The following DOK6 variants were observed in gnomAD, a reference collection of about 807,000 sequenced individuals.
The protein encoded by DOK6 is downstream of tyrosine kinase 6.
In DOK6, 22 loss-of-function variants were observed where a neutral mutation model predicts 44.0. The ratio of observed to expected loss-of-function variants is 0.50; its 90% confidence interval spans 0.36 to 0.71. DOK6 has a LOEUF of 0.71. DOK6 is among the 30% of genes least tolerant of loss of function. DOK6 has a pLI of 0.00. For missense variants in DOK6, 340 were observed against 416.4 expected (o/e 0.82, Z 1.60); for synonymous variants, 166 against 145.5 (o/e 1.14, Z -1.01).
At chr18:69,675,397 A>G (rs533986871) in intron 3 of DOK6, among the ~76,000 whole-genome samples, 1 of 152,362 alleles carries the variant, frequency 6.6e-6, no homozygotes, top group East Asian at 1.9e-4. Context: ...ACTCCCAAAT[A>G]GCACATTAGA....
intron 1 of DOK6, among the ~76,000 whole-genome samples, chr18:69,406,697 G>A (rs557662601): frequency 6.6e-6 from 1 of 152,164 alleles, no homozygotes; most frequent in Admixed American, 6.5e-5. Context: ...ATCTTTCTAC[G>A]ATCTACATTC....
At chr18:69,533,279 T>C (rs1243046511) in intron 1 of DOK6, among the ~76,000 whole-genome samples, 1 of 152,176 alleles carries the variant, frequency 6.6e-6, no homozygotes, top group Non-Finnish European at 1.5e-5. Flanking sequence ...CCAGTATTAA[T>C]TCAAAATTAG....
chr18:69,541,894 C>T (rs1982278277), intron 1 of DOK6, among the ~76,000 whole-genome samples: 2 of 151,316 alleles, frequency 1.3e-5, no homozygotes, highest in Non-Finnish European at 1.5e-5. Context: ...ACCTGGAAAG[C>T]ACAAAGAAAG....
chr18:69,739,983 TA>T (rs1263541596), intron 6 of DOK6, among the ~76,000 whole-genome samples: 1 of 152,194 alleles, frequency 6.6e-6, no homozygotes, highest in Non-Finnish European at 1.5e-5. Context: ...TAAATATTTT[TA>T]AAAGAAAGAG....
intron 5 of DOK6, among the ~76,000 whole-genome samples, chr18:69,727,230 G>C (rs921393659): frequency 1.3e-5 from 2 of 151,986 alleles, no homozygotes; most frequent in African/African-American, 4.8e-5. Context: ...ACCTCCCAAA[G>C]GCCACACCTC....
chr18:69,593,090 T>G (rs1308611257), intron 2 of DOK6, among the ~76,000 whole-genome samples: 1 of 152,164 alleles, frequency 6.6e-6, no homozygotes, highest in Non-Finnish European at 1.5e-5. Context: ...CACAGTGGCA[T>G]GATGGATTTC....
chr18:69,690,886 G>C (rs901001345), intron 4 of DOK6, among the ~76,000 whole-genome samples: 4 of 152,070 alleles, frequency 2.6e-5, no homozygotes, highest in African/African-American at 9.7e-5. Context: ...AAGTGTTAAA[G>C]AATATAGAAT....
chr18:69,719,289 A>G (rs1207461238), intron 5 of DOK6, among the ~76,000 whole-genome samples: 1 of 152,202 alleles, frequency 6.6e-6, no homozygotes. Flanking sequence ...AACTGTCTTC[A>G]TGCACTGAGT....
At chr18:69,421,138 C>T (rs908745107) in intron 1 of DOK6, among the ~76,000 whole-genome samples, 1 of 152,130 alleles carries the variant, frequency 6.6e-6, no homozygotes, top group Non-Finnish European at 1.5e-5. Flanking sequence ...AAAACCTTTA[C>T]AAAAACATTC....
chr18:69,762,480 A>G (rs1979591918), intron 7 of DOK6, among the ~76,000 whole-genome samples: 1 of 152,236 alleles, frequency 6.6e-6, no homozygotes, highest in Non-Finnish European at 1.5e-5. Flanking sequence ...AATCAAAGTA[A>G]AAGTCTGGCA....
At chr18:69,760,574 G>A (rs946289378) in intron 7 of DOK6, among the ~76,000 whole-genome samples, 1 of 152,124 alleles carries the variant, frequency 6.6e-6, no homozygotes, top group East Asian at 1.9e-4. Flanking sequence ...AACCAAGTGC[G>A]CAGCTTGACC....
intron 7 of DOK6, among the ~76,000 whole-genome samples, chr18:69,819,684 T>G (rs959279657): frequency 1.3e-5 from 2 of 152,306 alleles, no homozygotes; most frequent in Non-Finnish European, 2.9e-5. Flanking sequence ...CTCCTGCCCG[T>G]AGACCTTGAA....
At chr18:69,610,350 T>A (rs1367016779) in intron 3 of DOK6, among the ~76,000 whole-genome samples, 1 of 152,186 alleles carries the variant, frequency 6.6e-6, no homozygotes, top group Non-Finnish European at 1.5e-5. Context: ...ATGAACCTCC[T>A]TGGGAATATA....
At chr18:69,678,341 C>G (rs1163312996) in intron 4 of DOK6, among the ~76,000 whole-genome samples, 3 of 152,212 alleles carry the variant, frequency 2.0e-5, no homozygotes, top group African/African-American at 7.2e-5. Flanking sequence ...TAAGGTACAA[C>G]CCGGGTCTCC....
In DOK6 at chr18:69,466,926, T is replaced by C. The variant is rs114573105; in HGVS notation, c.66+65616T>C. 6.5e-3 allele frequency among the ~76,000 whole-genome samples: 990 copies of C among 152,228 alleles called. 11 individuals are homozygous for C. Among genetic ancestry groups the C allele is most frequent in the African/African-American group, 0.022 (899 of 41,542 alleles). On this transcript the variant is annotated intron_variant, in intron 1 of 7. Transcript: ENST00000382713. ...ACTTTTATATTGATACTGGGAGAAA[T>C]AGTAACTTTCTTTCATTTTTTGTTT...
intron 1 of DOK6, among the ~76,000 whole-genome samples, chr18:69,482,074 G>GT (rs1027017266): frequency 1.3e-5 from 2 of 152,176 alleles, no homozygotes; most frequent in African/African-American, 4.8e-5. Context: ...GGGGTTGTTT[G>GT]TTTTTTTCTT....
intron 3 of DOK6, among the ~76,000 whole-genome samples, chr18:69,671,577 C>G (rs1197867734): frequency 6.6e-6 from 1 of 152,064 alleles, no homozygotes; most frequent in Non-Finnish European, 1.5e-5. Context: ...AAATAAGAAA[C>G]CTTTTTTGAA....
chr18:69,401,196 C>A lies in DOK6; in HGVS notation c.-49C>A, dbSNP rs764989966. The A allele has an allele frequency of 2.7e-6, 4 of 1,508,268 alleles. No individual in the cohort carries two copies. Among genetic ancestry groups the A allele is most frequent in the South Asian group, 1.2e-5 (1 of 80,152 alleles). The allele number at this position is 1,508,268 out of a possible 1,614,324, so 93.4% of individuals were successfully genotyped here. A position where few individuals can be genotyped will look rare whatever the true frequency, so the allele number is the denominator to read the frequency against. The stretch of plus-strand genomic sequence containing the variant: ...AGACCCGGCGGCGGACGGCGGCTCT[C>A]GACTCCGGAGAGCGGATCGCGGGGC... On this transcript the variant is annotated 5_prime_UTR_variant, in exon 1 of 8. An upstream open reading frame in the 5' UTR gains an earlier in-frame stop. Coordinates refer to ENST00000382713, the MANE Select transcript of DOK6 (RefSeq NM_152721.6).
At chr18:69,655,024 C>A (rs1985325635) in intron 3 of DOK6, among the ~76,000 whole-genome samples, 1 of 152,168 alleles carries the variant, frequency 6.6e-6, no homozygotes, top group Non-Finnish European at 1.5e-5. Context: ...CACCACTGCA[C>A]CCCAGCCTGG....
Sources: gnomAD v4.1 joint callset for allele counts (sites outside exome capture counted in the v4.1 genomes callset) on GRCh38, gnomAD v4.1.1 for gene constraint, MANE v1.5 for transcripts, NCBI Gene and HGNC (gene_info 2026-07-23, HGNC 2026-07-21) for gene names.